KIF1B: variants seen among roughly 807,000 people sequenced by gnomAD.
The protein encoded by KIF1B is kinesin-like protein KIF1B.
Under a neutral mutation model 241.9 loss-of-function variants are expected in KIF1B, and 76 were observed. The ratio of observed to expected loss-of-function variants is 0.31; its 90% CI spans 0.26 to 0.38. KIF1B has a LOEUF of 0.38. Ranked by LOEUF, KIF1B falls within the 10% of genes least tolerant of loss-of-function variation. The probability of loss-of-function intolerance (pLI) is 1.00; values close to 1 mark genes in which losing one functional copy is unlikely to be tolerated. For missense variants in KIF1B, 1,622 were observed against 2,271.4 expected (o/e 0.71, Z 5.81); for synonymous variants, 750 against 796.7 (o/e 0.94, Z 0.99).
chr1:10,317,825 C>T (rs1475928069), intron 22 of KIF1B, among the ~76,000 whole-genome samples: 1 of 35,678 alleles, frequency 2.8e-5, no homozygotes, highest in Non-Finnish European at 4.9e-5. Context: ...AGCGAGACTC[C>T]ACCTCAAAAA....
chr1:10,273,323 G>T (rs1025770353), intron 10 of KIF1B, among the ~76,000 whole-genome samples: 2 of 152,178 alleles, frequency 1.3e-5, no homozygotes, highest in African/African-American at 4.8e-5. Context: ...GGAGGCCAAG[G>T]CGGGCGGATC....
intron 38 of KIF1B, among the ~76,000 whole-genome samples, chr1:10,356,158 G>A (rs997826990): frequency 2.0e-5 from 3 of 151,984 alleles, no homozygotes; most frequent in African/African-American, 7.3e-5. Flanking sequence ...ACGAGGTCAG[G>A]AGTTCAAGAC....
At chr1:10,297,299 A>G in intron 22 of KIF1B, 53 bp downstream of exon 22, 1 of 1,498,418 alleles carries the variant, frequency 6.7e-7, no homozygotes, top group East Asian at 2.3e-5. Context: ...TTGTTCCCAT[A>G]CTTTCCCTGT....
intron 11 of KIF1B, among the ~76,000 whole-genome samples, chr1:10,276,100 G>T (rs1649090788): frequency 2.6e-5 from 4 of 151,760 alleles, no homozygotes; most frequent in African/African-American, 9.7e-5. Context: ...TAGAGACAGG[G>T]TTTTGCCATG....
intron 2 of KIF1B, among the ~76,000 whole-genome samples, chr1:10,242,896 G>A (rs778089997): frequency 1.1e-4 from 16 of 152,178 alleles, no homozygotes; most frequent in Non-Finnish European, 1.8e-4. Context: ...GTTATGTGGT[G>A]CATGACTTGT....
rs1425290978 is a variant in KIF1B, at chr1:10,232,391, C to T, written c.63C>T (p.Ser21=). 1 of 1,613,948 alleles carries T rather than the reference C, an allele frequency of 6.2e-7. No individual in the cohort carries two copies. The highest frequency in any genetic ancestry group is 1.3e-5 in the African/African-American group (1 of 74,918). The change falls in exon 2 of 49, where the codon AGC becomes AGT. Residue 21 remains serine (S), a synonymous_variant. Coordinates refer to ENST00000676179, the MANE Select transcript of KIF1B (RefSeq NM_001365951.3). Reference sequence around the variant, plus strand: ...GGCCCTTCAATTCTCGAGAGACCAGCAAGGAATCCAAATGCATCATTCAGA... The same window carrying T: ...GGCCCTTCAATTCTCGAGAGACCAGTAAGGAATCCAAATGCATCATTCAGA... ...RVRPFNSRET[S]KESKCIIQMQ...
At chr1:10,348,974 G>T (rs1652690951) in intron 37 of KIF1B, among the ~76,000 whole-genome samples, 1 of 152,150 alleles carries the variant, frequency 6.6e-6, no homozygotes, top group South Asian at 2.1e-4. Flanking sequence ...GCGGTACATG[G>T]AATGTGTAGA....
At chr1:10,220,860 A>G (rs758373884) in intron 1 of KIF1B, among the ~76,000 whole-genome samples, 6 of 151,782 alleles carry the variant, frequency 4.0e-5, no homozygotes, top group Non-Finnish European at 8.8e-5. Context: ...ACGGAGTTTC[A>G]CCATGCTGGC....
chr1:10,241,750 C>T (rs1647139306), intron 2 of KIF1B, among the ~76,000 whole-genome samples: 6 of 151,718 alleles, frequency 4.0e-5, no homozygotes, highest in South Asian at 4.2e-4. Context: ...AGCAACCATG[C>T]CCAATTTTTT....
intron 38 of KIF1B, among the ~76,000 whole-genome samples, chr1:10,356,448 A>G (rs992123176): frequency 7.2e-5 from 11 of 152,254 alleles, no homozygotes; most frequent in African/African-American, 2.4e-4. Flanking sequence ...GACCCCATTC[A>G]GTTTACATTT....
intron 26 of KIF1B, 142 bp downstream of exon 26, chr1:10,325,037 C>T (rs962966419): frequency 3.7e-5 from 33 of 882,854 alleles, no homozygotes; most frequent in Admixed American, 1.7e-4. Flanking sequence ...CACTCACAAC[C>T]ACTGCGTCAT....
chr1:10,247,371 T>TAAA (rs1647237312), intron 2 of KIF1B, among the ~76,000 whole-genome samples: 1 of 152,108 alleles, frequency 6.6e-6, no homozygotes, highest in Non-Finnish European at 1.5e-5. Flanking sequence ...TTATCTAAAA[T>TAAA]AGCCACTTCT....
rs571784829 is a variant in KIF1B, at chr1:10,358,522, C to T, written c.4056-2407C>T. On this transcript the variant is annotated intron_variant, in intron 38 of 48. Coordinates refer to ENST00000676179, the MANE Select transcript of KIF1B (RefSeq NM_001365951.3). Reference sequence around the variant, plus strand: ...CCTCTGAAATGGGACAAATAAGCCCCGCCCCTTCTAGGTACTTTGACAAAA... The same window carrying T: ...CCTCTGAAATGGGACAAATAAGCCCTGCCCCTTCTAGGTACTTTGACAAAA... Among the ~76,000 whole-genome samples, 10 of 151,934 alleles carry T rather than the reference C, an allele frequency of 6.6e-5. No individual in the cohort carries two copies. The South Asian group carries it at 1.0e-3, about 16-fold the overall frequency.
At chr1:10,314,500 A>G (rs999414026) in intron 22 of KIF1B, among the ~76,000 whole-genome samples, 1 of 151,042 alleles carries the variant, frequency 6.6e-6, no homozygotes, top group African/African-American at 2.5e-5. Flanking sequence ...GCTCACTGCA[A>G]CCTCCACTTC....
At chr1:10,371,333 A>G in intron 45 of KIF1B, 71 bp downstream of exon 45, 3 of 1,565,618 alleles carry the variant, frequency 1.9e-6, no homozygotes, top group South Asian at 2.3e-5. Context: ...CCTCTAGCTC[A>G]ATGGTTCTTG....
At chr1:10,370,644 A>AATAAT (rs1269893609) in intron 44 of KIF1B, among the ~76,000 whole-genome samples, 96 of 95,786 alleles carry the variant, frequency 1.0e-3, no homozygotes, top group African/African-American at 8.3e-3. Context: ...CGAGAAAGAA[A>AATAAT]ATAATAATAA....
chr1:10,352,744 A>G lies in KIF1B; in HGVS notation c.4055+8A>G. 6.3e-7 allele frequency: 1 copy of G among 1,598,664 alleles called. No homozygotes were observed. The highest frequency in any genetic ancestry group is 8.6e-7 in the Non-Finnish European group (1 of 1,166,166). On this transcript the variant is annotated splice_region_variant and intron_variant, in intron 38 of 48. Coordinates refer to ENST00000676179, the MANE Select transcript of KIF1B (RefSeq NM_001365951.3). ...TTCCCACAACTCTAGCAGGTGGGAC[A>G]CCCAGAGCAGTGTGAAGAAGTCCAC...
intron 2 of KIF1B, among the ~76,000 whole-genome samples, chr1:10,242,881 A>T (rs1312261077): frequency 6.6e-6 from 1 of 152,186 alleles, no homozygotes; most frequent in Non-Finnish European, 1.5e-5. Context: ...GCTGATGGAC[A>T]GGTTGTTATG....
intron 4 of KIF1B, 142 bp from the exon 5 acceptor site, chr1:10,261,763 T>C: frequency 1.4e-6 from 1 of 694,786 alleles, no homozygotes; most frequent in South Asian, 1.5e-5. Context: ...TTCAAAGCAT[T>C]AATCGTATCT....
Sources: allele counts gnomAD v4.1 joint callset (sites outside exome capture counted in the v4.1 genomes callset), GRCh38; gene constraint gnomAD v4.1.1; transcripts MANE v1.5; gene names NCBI Gene and HGNC (gene_info 2026-07-23, HGNC 2026-07-21).